The following SLC8A1 variants were observed in gnomAD, a reference collection of about 807,000 sequenced individuals.
The protein encoded by SLC8A1 is solute carrier family 8 member A1.
In SLC8A1, 18 loss-of-function variants were observed where a neutral mutation model predicts 68.3. That is an observed-to-expected ratio of 0.26 (90% CI 0.18 to 0.39). SLC8A1 has a LOEUF of 0.39. Ranked by LOEUF, SLC8A1 falls within the 10% of genes least tolerant of loss-of-function variation. SLC8A1 has a pLI of 1.00. For synonymous variants in SLC8A1, 475 were observed against 415.5 expected, an observed-to-expected ratio of 1.14 and a Z score of -1.74; for missense variants, 985 against 1,156.7, an observed-to-expected ratio of 0.85 and a Z score of 2.15.
At chr2:40,165,543 C>A (rs2046403395) in intron 4 of SLC8A1, among the ~76,000 whole-genome samples, 1 of 152,194 alleles carries the variant, frequency 6.6e-6, no homozygotes. Context: ...AGCAAAACAT[C>A]CATTCCATAT....
intron 6 of SLC8A1, among the ~76,000 whole-genome samples, chr2:40,144,280 T>A (rs1234431163): frequency 6.6e-6 from 1 of 152,192 alleles, no homozygotes; most frequent in Non-Finnish European, 1.5e-5. Flanking sequence ...AGCTAAATTC[T>A]TTCACATACC....
At chr2:40,165,774 T>C (rs182456728) in intron 4 of SLC8A1, among the ~76,000 whole-genome samples, 52 of 152,258 alleles carry the variant, frequency 3.4e-4, no homozygotes, top group Non-Finnish European at 6.8e-4. Flanking sequence ...GAAATGTTAA[T>C]GGATCCAAGA....
chr2:40,244,660 CTT>C (rs33966122), intron 2 of SLC8A1, among the ~76,000 whole-genome samples: 2 of 60,754 alleles, frequency 3.3e-5, no homozygotes, highest in Admixed American at 1.6e-4. Flanking sequence ...TGATCGAGGC[CTT>C]TTCCTACTGC....
intron 2 of SLC8A1, among the ~76,000 whole-genome samples, chr2:40,217,128 C>T (rs116696032): frequency 0.014 from 2,183 of 152,238 alleles, 60 homozygotes; most frequent in African/African-American, 0.05. Context: ...TGGGGTTTTA[C>T]ATTAAAGTCT....
At chr2:40,282,765 A>C (rs1234554337) in intron 2 of SLC8A1, among the ~76,000 whole-genome samples, 1 of 152,144 alleles carries the variant, frequency 6.6e-6, no homozygotes, top group Non-Finnish European at 1.5e-5. Flanking sequence ...CCAGTAACAG[A>C]GAACAGCTAT....
chr2:40,363,249 C>T (rs933416062), intron 2 of SLC8A1, among the ~76,000 whole-genome samples: 2 of 151,912 alleles, frequency 1.3e-5, no homozygotes, highest in African/African-American at 2.4e-5. Context: ...AAAGTTAAAG[C>T]TCATTGACAA....
At chr2:40,307,952 G>A (rs538273646) in intron 2 of SLC8A1, among the ~76,000 whole-genome samples, 14 of 152,092 alleles carry the variant, frequency 9.2e-5, no homozygotes, top group Non-Finnish European at 1.8e-4. Context: ...AAGAGCAGGA[G>A]AAGAAGACCT....
chr2:40,363,568 G>A (rs1053719513), intron 2 of SLC8A1, among the ~76,000 whole-genome samples: 7 of 152,094 alleles, frequency 4.6e-5, no homozygotes, highest in Admixed American at 3.3e-4. Flanking sequence ...CCCTGAAGCA[G>A]TAACTCAAAA....
At chr2:40,235,894 A>G (rs955367190) in intron 2 of SLC8A1, among the ~76,000 whole-genome samples, 1 of 151,482 alleles carries the variant, frequency 6.6e-6, no homozygotes, top group Non-Finnish European at 1.5e-5. Context: ...TTCAGTTTCC[A>G]TGTAGTTGAG....
chr2:40,218,015 G>T (rs1309448275), intron 2 of SLC8A1, among the ~76,000 whole-genome samples: 1 of 152,072 alleles, frequency 6.6e-6, no homozygotes, highest in East Asian at 1.9e-4. Flanking sequence ...TAAGAGAAAG[G>T]GAACAATTAA....
intron 2 of SLC8A1, among the ~76,000 whole-genome samples, chr2:40,274,003 C>T (rs1417094809): frequency 2.0e-5 from 3 of 151,454 alleles, no homozygotes; most frequent in African/African-American, 7.3e-5. Context: ...GGACTGTGCC[C>T]CTCTCTCCAC....
chr2:40,417,895 A>AC (rs1559598725), intron 2 of SLC8A1, among the ~76,000 whole-genome samples: 1 of 151,980 alleles, frequency 6.6e-6, no homozygotes, highest in Non-Finnish European at 1.5e-5. Context: ...ACACACACAC[A>AC]AGGTAAACGC....
At chr2:40,404,322 T>C (rs1313601245) in intron 2 of SLC8A1, among the ~76,000 whole-genome samples, 1 of 152,234 alleles carries the variant, frequency 6.6e-6, no homozygotes, top group Non-Finnish European at 1.5e-5. Context: ...AACTTTGGAC[T>C]ATTAACATTT....
At chr2:40,373,849 A>G (rs1678943549) in intron 2 of SLC8A1, among the ~76,000 whole-genome samples, 1 of 152,066 alleles carries the variant, frequency 6.6e-6, no homozygotes, top group African/African-American at 2.4e-5. Context: ...TGTGCTCCAT[A>G]TTCCCTGACA....
intron 2 of SLC8A1, among the ~76,000 whole-genome samples, chr2:40,350,297 C>A (rs1045963814): frequency 2.0e-5 from 3 of 152,050 alleles, no homozygotes; most frequent in Non-Finnish European, 4.4e-5. Context: ...ACCTGGGCAG[C>A]AAATGGAGAC....
intron 1 of SLC8A1, among the ~76,000 whole-genome samples, chr2:40,496,078 T>C (rs1287933172): frequency 1.3e-5 from 2 of 152,142 alleles, no homozygotes; most frequent in Non-Finnish European, 2.9e-5. Flanking sequence ...TGCCCACTCA[T>C]TATCATTGCC....
intron 2 of SLC8A1, among the ~76,000 whole-genome samples, chr2:40,312,106 C>A (rs943737785): frequency 2.6e-5 from 4 of 152,084 alleles, no homozygotes; most frequent in African/African-American, 9.7e-5. Flanking sequence ...AAGCTTCAGG[C>A]TGACTACATT....
At chr2:40,249,632 TTTG>T (rs1363067449) in intron 2 of SLC8A1, among the ~76,000 whole-genome samples, 1 of 147,770 alleles carries the variant, frequency 6.8e-6, no homozygotes, top group African/African-American at 2.6e-5. Flanking sequence ...GGATCTTGGC[TTTG>T]TTTTTTGTAA....
chr2:40,319,243 T>C (rs2074887385), intron 2 of SLC8A1, among the ~76,000 whole-genome samples: 1 of 152,094 alleles, frequency 6.6e-6, no homozygotes, highest in South Asian at 2.1e-4. Flanking sequence ...TTAACAAGTG[T>C]TCGTGAAGCT....
Sources: gnomAD v4.1 joint callset for allele counts (sites outside exome capture counted in the v4.1 genomes callset) on GRCh38, gnomAD v4.1.1 for gene constraint, MANE v1.5 for transcripts, NCBI Gene and HGNC (gene_info 2026-07-23, HGNC 2026-07-21) for gene names.